Variants in JPH4 observed in about 807,000 individuals in gnomAD.
JPH4 encodes the protein junctophilin 4.
In JPH4, 18 loss-of-function variants were observed where a neutral mutation model predicts 57.6. The ratio of observed to expected loss-of-function variants is 0.31; its 90% CI spans 0.22 to 0.46. The LOEUF (loss-of-function observed/expected upper bound fraction) is 0.46, where lower values mean the gene tolerates loss of function less well. Among genes scored for constraint, JPH4 ranks in the 20% least tolerant of loss-of-function variants. The pLI is 1.00. For missense variants in JPH4, 727 were observed against 911.1 expected, an observed-to-expected ratio of 0.80 and a Z score of 2.60; for synonymous variants, 425 against 406.6, an observed-to-expected ratio of 1.05 and a Z score of -0.54.
At position 23,568,508 on chromosome 14, in the gene JPH4, T is replaced by G. The variant is rs1888902811; in HGVS notation, c.*1126A>C. 1 of 985,758 alleles carries G rather than the reference T, an allele frequency of 1.0e-6. No homozygotes were observed. 61.1% of individuals were successfully genotyped at this position (985,758 alleles called of 1,614,324 possible). A position where few individuals can be genotyped will look rare whatever the true frequency, so the allele number is the denominator to read the frequency against. On this transcript the variant is annotated 3_prime_UTR_variant, in exon 6 of 6. Coordinates refer to ENST00000356300, the MANE Select transcript of JPH4 (RefSeq NM_001146028.2). ...TGGGAAGCATGTGAGATCAGCTATCTTTGATCCCCTCCTTCTGTTGTTTTC... is the reference window on the plus strand; with the variant it reads ...TGGGAAGCATGTGAGATCAGCTATCGTTGATCCCCTCCTTCTGTTGTTTTC...
At position 23,573,114 on chromosome 14, in the gene JPH4, G is replaced by A. The variant is rs1889193666; in HGVS notation, c.1152-1194C>T. On this transcript the variant is annotated intron_variant, in intron 3 of 5. Transcript: ENST00000356300. ...CCACAGGCCTGTTCTCTCTGGCTCA[G>A]GAAGGCAGTCTGGTATGGGGGTGGG... 3 of 611,738 alleles carry A rather than the reference G, an allele frequency of 4.9e-6. No individual in the cohort carries two copies. In the East Asian group the frequency reaches 8.3e-5, roughly 17 times the overall value. The allele number at this position is 611,738 out of a possible 1,614,324, so 37.9% of individuals were successfully genotyped here.
At position 23,575,515 on chromosome 14, in the gene JPH4, C is replaced by T; in HGVS notation, c.1151+170G>A. The T allele has an allele frequency of 3.8e-6, 3 of 781,872 alleles. No individual in the cohort carries two copies. The highest frequency in any genetic ancestry group is 6.0e-6 in the Non-Finnish European group (3 of 496,980). The allele number at this position is 781,872 out of a possible 1,614,324, so 48.4% of individuals were successfully genotyped here. On this transcript the variant is annotated intron_variant, in intron 3 of 5. Coordinates refer to ENST00000356300, the MANE Select transcript of JPH4 (RefSeq NM_001146028.2). This position sits in a 1 kb window ranked among gnomAD's most constrained non-coding sequence, Gnocchi z 6.9. ...AGTTACACCCACATCCACCTGTAGC[C>T]TCGGATATAAACACCAAGAATGCCC...
Position 23,571,227 on chromosome 14 carries a change from C to A in JPH4, c.1504G>T (p.Ala502Ser), listed in dbSNP as rs144738828. 24 of 1,586,178 alleles carry A rather than the reference C, an allele frequency of 1.5e-5. No homozygotes were observed. In the South Asian group the frequency reaches 2.6e-4, roughly 17 times the overall value. ...GCTAGTTCCTCTGCCTGTGCGCCTG[C>A]CCCCCCCCACTCCTCAGGCCAAGCT... ...PKAWPEEWGGAGAQAEELAGY... is the reference protein window; with the variant it reads ...PKAWPEEWGGSGAQAEELAGY... Residue 502 changes from alanine to serine, a missense_variant, in exon 5 of 6, where the codon GCA (alanine) becomes TCA (serine). Coordinates refer to ENST00000356300, the MANE Select transcript of JPH4 (RefSeq NM_001146028.2). This position sits in a 1 kb window ranked among gnomAD's most constrained non-coding sequence, Gnocchi z 4.6.
Position 23,576,932 on chromosome 14 carries a change from T to C in JPH4, c.379+143A>G. 13 of 934,606 alleles carry C rather than the reference T, an allele frequency of 1.4e-5. No individual in the cohort carries two copies. Among genetic ancestry groups the C allele is most frequent in the Non-Finnish European group, 1.9e-5 (13 of 685,148 alleles). The allele number at this position is 934,606 out of a possible 1,614,324, so 57.9% of individuals were successfully genotyped here. A position where few individuals can be genotyped will look rare whatever the true frequency, so the allele number is the denominator to read the frequency against. On this transcript the variant is annotated intron_variant, in intron 2 of 5. Coordinates refer to ENST00000356300, the MANE Select transcript of JPH4 (RefSeq NM_001146028.2). The surrounding 1 kb of genome is among the most constrained non-coding windows in gnomAD (Gnocchi z 8.0). ...AATCATGGTGGGAGAGAGCAGAAATTGGGGGCTGGGGGTCACATCGATGGG... is the reference window on the plus strand; with the variant it reads ...AATCATGGTGGGAGAGAGCAGAAATCGGGGGCTGGGGGTCACATCGATGGG...
At chr14:23,572,864 G>A in intron 3 of JPH4, 1 of 702,564 alleles carries the variant, frequency 1.4e-6, no homozygotes, top group South Asian at 1.5e-5. Context: ...GGCAGCCTGG[G>A]AGTCTGATCA....
In JPH4 at chr14:23,576,350, G is replaced by A. The variant is rs1889273329; in HGVS notation, c.486C>T (p.Ser162=). The A allele has an allele frequency of 8.3e-6, 11 of 1,332,008 alleles. No individual in the cohort carries two copies. In the Admixed American group the frequency reaches 1.2e-4, roughly 14 times the overall value. The allele number at this position is 1,332,008 out of a possible 1,614,324, so 82.5% of individuals were successfully genotyped here. Residue 162 remains serine (S), a synonymous_variant, in exon 3 of 6, where the codon TCC becomes TCT. Transcript: ENST00000356300. This position sits in a 1 kb window ranked among gnomAD's most constrained non-coding sequence, Gnocchi z 8.0. The part of the protein sequence containing the change: ...AALLRSPRRT[S]LDSGHSDPPT... ...GGGGGTCGCTGTGGCCGGAATCCAG[G>A]GAGGTGCGGCGGGGCGAGCGCAGCA...
Position 23,571,515 on chromosome 14 carries a change from G to T in JPH4, c.1271-55C>A, listed in dbSNP as rs1889146172. 6.4e-7 allele frequency: 1 copy of T among 1,559,590 alleles called. No homozygotes were observed. Among genetic ancestry groups the T allele is most frequent in the Non-Finnish European group, 8.6e-7 (1 of 1,158,222 alleles). On this transcript the variant is annotated intron_variant, in intron 4 of 5. Transcript: ENST00000356300. The surrounding 1 kb of genome is among the most constrained non-coding windows in gnomAD (Gnocchi z 4.6). ...GCCTAACTGGCCTTGGGCTGGAGTG[G>T]CTGCAGCTTTATTCCTGACTGGGCA...
rs1249979368 is a variant in JPH4, at chr14:23,576,499, G to A, written c.380-43C>T. The A allele has an allele frequency of 7.4e-7, 1 of 1,353,348 alleles. No homozygotes were observed. The highest frequency in any genetic ancestry group is 9.5e-7 in the Non-Finnish European group (1 of 1,055,416). The allele number at this position is 1,353,348 out of a possible 1,614,324, so 83.8% of individuals were successfully genotyped here. A position where few individuals can be genotyped will look rare whatever the true frequency, so the allele number is the denominator to read the frequency against. ...GTGGGAGAAAGAGTCAGGACGTGCCGCTGGGCTCCTTGCGCCCCAAGTCCC... is the reference window on the plus strand; with the variant it reads ...GTGGGAGAAAGAGTCAGGACGTGCCACTGGGCTCCTTGCGCCCCAAGTCCC... On this transcript the variant is annotated intron_variant, in intron 2 of 5. Transcript: ENST00000356300. This position sits in a 1 kb window ranked among gnomAD's most constrained non-coding sequence, Gnocchi z 8.0.
At chr14:23,570,529 G>A (rs1240317716) in intron 5 of JPH4, among the ~76,000 whole-genome samples, 20 of 152,070 alleles carry the variant, frequency 1.3e-4, no homozygotes, top group African/African-American at 4.3e-4. Flanking sequence ...CCGCCACCAC[G>A]CCCGGCTAAA....
At chr14:23,570,616 C>T (rs1248552813) in intron 5 of JPH4, among the ~76,000 whole-genome samples, 3 of 152,012 alleles carry the variant, frequency 2.0e-5, no homozygotes, top group Admixed American at 6.6e-5. Context: ...CCTCGTGATC[C>T]GCCCACTTCG....
Position 23,578,252 on chromosome 14 carries a change from C to T in JPH4, c.-244G>A, listed in dbSNP as rs151213355. 3,140 of 151,850 alleles carry T rather than the reference C, an allele frequency of 0.021. 52 individuals carry two copies. The highest frequency in any genetic ancestry group is 0.098 in the South Asian group (469 of 4,792). The allele number at this position is 151,850 out of a possible 1,614,324, so 9.4% of individuals were successfully genotyped here. On this transcript the variant is annotated 5_prime_UTR_variant, in exon 1 of 6. Transcript: ENST00000356300. The stretch of plus-strand genomic sequence containing the variant: ...AGGATACCTCCACTCCCACCTCGCC[C>T]GGACAAGCCAAGCCCCCTCCCCTTC...
At position 23,570,848 on chromosome 14, in the gene JPH4, C is replaced by G. The variant is rs77802464; in HGVS notation, c.1803+80G>C. 1.4e-3 allele frequency: 1,845 copies of G among 1,345,224 alleles called. 1 individual carries two copies. Among genetic ancestry groups the G allele is most frequent in the Non-Finnish European group, 1.6e-3 (1,625 of 1,031,214 alleles). 83.3% of individuals were successfully genotyped at this position (1,345,224 alleles called of 1,614,324 possible). On this transcript the variant is annotated intron_variant, in intron 5 of 5. Transcript: ENST00000356300. Reference sequence around the variant, plus strand: ...AGCCGAGTGAGATAAAAAGCCCCCCCGGTGATCAGACAGTTCTGGAAAGGG... The same window carrying G: ...AGCCGAGTGAGATAAAAAGCCCCCCGGGTGATCAGACAGTTCTGGAAAGGG...
chr14:23,569,727 C>G lies in JPH4; in HGVS notation c.1804-10G>C, dbSNP rs1293130932. On this transcript the variant is annotated splice_polypyrimidine_tract_variant and intron_variant, in intron 5 of 5. Transcript: ENST00000356300. This position sits in a 1 kb window ranked among gnomAD's most constrained non-coding sequence, Gnocchi z 4.8. ...GGGGGTTGGCAGCTCCCTAGAGAGA[C>G]AGAGGGGGAAGCAGACTCAGTCCCC... 3 of 1,541,228 alleles carry G rather than the reference C, an allele frequency of 1.9e-6. No individual in the cohort carries two copies. The Admixed American group carries it at 5.9e-5, about 31-fold the overall frequency.
Position 23,577,322 on chromosome 14 carries a change from T to G in JPH4, c.132A>C (p.Ala44=). The G allele has an allele frequency of 6.5e-7, 1 of 1,536,602 alleles. No homozygotes were observed. The highest frequency in any genetic ancestry group is 1.2e-5 in the South Asian group (1 of 83,476). Residue 44 remains alanine, a synonymous_variant, in exon 2 of 6, where the codon GCA becomes GCC. Coordinates refer to ENST00000356300, the MANE Select transcript of JPH4 (RefSeq NM_001146028.2). The surrounding 1 kb of genome is among the most constrained non-coding windows in gnomAD (Gnocchi z 8.4). ...AGACGCCCAGTGACTCGAAGCCGTGTGCCCAGCAGCCGCTGTACTCGCCCT... is the reference window on the plus strand; with the variant it reads ...AGACGCCCAGTGACTCGAAGCCGTGGGCCCAGCAGCCGCTGTACTCGCCCT... The part of the protein sequence containing the change: ...GAQGEYSGCW[A]HGFESLGVFT...
chr14:23,573,894 C>T (rs1889208986), intron 3 of JPH4, among the ~76,000 whole-genome samples: 1 of 151,836 alleles, frequency 6.6e-6, no homozygotes. Context: ...ACTCAAACGT[C>T]TACTCTGCAT....
rs751892287 is a variant in JPH4 at position 23,571,905 on chromosome 14, G to T, written c.1167C>A (p.Leu389=). ...EIAAARAADA[L]LKAVAASSVA... is the part of the protein sequence containing the mutation. ...CACTGCTGGCTGCCACTGCCTTTAG[G>T]AGGGCGTCTGCTGCCCTGTCGGGTC... is the stretch of plus-strand genomic sequence containing the variant. Residue 389 remains leucine (L), a synonymous_variant, in exon 4 of 6, where the codon CTC becomes CTA. Coordinates refer to ENST00000356300, the MANE Select transcript of JPH4 (RefSeq NM_001146028.2). This position sits in a 1 kb window ranked among gnomAD's most constrained non-coding sequence, Gnocchi z 4.6. The T allele has an allele frequency of 3.7e-6, 6 of 1,612,012 alleles. No individual in the cohort carries two copies. The East Asian group carries it at 1.3e-4, about 36-fold the overall frequency.
Position 23,575,324 on chromosome 14 carries a change from C to CT in JPH4, c.1151+360dup. 5.9e-6 allele frequency: 2 copies of CT among 341,120 alleles called. No homozygotes were observed. Among genetic ancestry groups the CT allele is most frequent in the South Asian group, 8.5e-5 (2 of 23,458 alleles). 21.1% of individuals were successfully genotyped at this position (341,120 alleles called of 1,614,324 possible). ...TGGATCAGCTGCAAGAGGAGGAAGACTAGGGACATGTTTTGAGTTCCAAGA... is the reference window on the plus strand; with the variant it reads ...TGGATCAGCTGCAAGAGGAGGAAGACTTAGGGACATGTTTTGAGTTCCAAGA... On this transcript the variant is annotated intron_variant, in intron 3 of 5. Transcript: ENST00000356300. This position sits in a 1 kb window ranked among gnomAD's most constrained non-coding sequence, Gnocchi z 6.9.
In JPH4 at chr14:23,576,463, G is replaced by A; in HGVS notation, c.380-7C>T. On this transcript the variant is annotated splice_polypyrimidine_tract_variant and splice_region_variant and intron_variant, in intron 2 of 5. Transcript: ENST00000356300. The surrounding 1 kb of genome is among the most constrained non-coding windows in gnomAD (Gnocchi z 8.0). ...CACTGGCCCTGGTAGGTGCCTGCGGGCGGCGGAGGGGTGGGAGAAAGAGTC... is the reference window on the plus strand; with the variant it reads ...CACTGGCCCTGGTAGGTGCCTGCGGACGGCGGAGGGGTGGGAGAAAGAGTC... 2 of 1,402,340 alleles carry A rather than the reference G, an allele frequency of 1.4e-6. No homozygotes were observed. The highest frequency in any genetic ancestry group is 1.8e-6 in the Non-Finnish European group (2 of 1,086,012). 86.9% of individuals were successfully genotyped at this position (1,402,340 alleles called of 1,614,324 possible). A position where few individuals can be genotyped will look rare whatever the true frequency, so the allele number is the denominator to read the frequency against.
chr14:23,572,812 C>G (rs1182688218), intron 3 of JPH4: 1 of 698,416 alleles, frequency 1.4e-6, no homozygotes, highest in Non-Finnish European at 2.6e-6. Context: ...CCTTAGTCTC[C>G]CTTCCACAAC....
Sources: gnomAD v4.1 joint callset for allele counts (sites outside exome capture counted in the v4.1 genomes callset) on GRCh38, gnomAD v4.1.1 for gene constraint, Gnocchi (gnomAD v3.1) non-coding constraint, MANE v1.5 for transcripts, NCBI Gene and HGNC (gene_info 2026-07-23, HGNC 2026-07-21) for gene names.